Variants in NF2 observed in about 807,000 individuals in gnomAD.
NF2 encodes merlin.
Under a neutral mutation model 83.7 loss-of-function variants are expected in NF2, and 8 were observed. The ratio of observed to expected loss-of-function variants is 0.10; its 90% CI spans 0.06 to 0.17. NF2 has a LOEUF of 0.17. Among genes scored for constraint, NF2 ranks in the 10% least tolerant of loss-of-function variants. The pLI, the probability that NF2 is intolerant of heterozygous loss-of-function variation, is 1.00. For synonymous variants in NF2, 266 were observed against 269.6 expected (o/e 0.99, Z 0.13); for missense variants, 533 against 744.4 (o/e 0.72, Z 3.31).
chr22:29,682,874 A>C, intron 15 of NF2: 1 of 901,824 alleles, frequency 1.1e-6, no homozygotes, highest in Non-Finnish European at 1.8e-6. Flanking sequence ...TGAGAGCTGG[A>C]GAGACCCCGT....
At chr22:29,630,168 G>A (rs566470785) in intron 1 of NF2, among the ~76,000 whole-genome samples, 1 of 152,226 alleles carries the variant, frequency 6.6e-6, no homozygotes, top group Non-Finnish European at 1.5e-5. Context: ...TGGCTGTTCA[G>A]TAGATGTTAT....
chr22:29,677,500 CAAA>C (rs200098005), intron 13 of NF2, among the ~76,000 whole-genome samples: 1 of 128,772 alleles, frequency 7.8e-6, no homozygotes. Context: ...GATGAAAGTC[CAAA>C]AAAAAAAAAA....
In NF2 at chr22:29,695,436, G is replaced by C. The variant is rs1330298742; in HGVS notation, c.*634G>C. ...GGCAGGGCAGCTGTGGCTGGGGAGA[G>C]ACTTTAGGCAGAAGCTGTGATGCAG... On this transcript the variant is annotated 3_prime_UTR_variant, in exon 16 of 16. Coordinates refer to ENST00000338641, the MANE Select transcript of NF2 (RefSeq NM_000268.4). This position sits in a 1 kb window ranked among gnomAD's most constrained non-coding sequence, Gnocchi z 5.4. 1 of 254,526 alleles carries C rather than the reference G, an allele frequency of 3.9e-6. No homozygotes were observed. The highest frequency in any genetic ancestry group is 7.7e-6 in the Non-Finnish European group (1 of 129,486). The allele number at this position is 254,526 out of a possible 1,614,324, so 15.8% of individuals were successfully genotyped here.
At position 29,694,729 on chromosome 22, in the gene NF2, GCTT is replaced by G. The variant is rs770417034; in HGVS notation, c.1738-17_1738-15del. ...AGAGCGGAGGTCTTGTGCCCTCTCAGCTTCTTCTCTGCTTTCTTACAGCTCACC... is the reference window on the plus strand; with the variant it reads ...AGAGCGGAGGTCTTGTGCCCTCTCAGCTTCTCTGCTTTCTTACAGCTCACC... On this transcript the variant is annotated intron_variant, in intron 15 of 15. Transcript: ENST00000338641. The surrounding 1 kb of genome is among the most constrained non-coding windows in gnomAD (Gnocchi z 4.1). 2.0e-5 allele frequency: 32 copies of G among 1,613,112 alleles called. No homozygotes were observed. The highest frequency in any genetic ancestry group is 2.5e-5 in the Non-Finnish European group (30 of 1,179,594).
intron 14 of NF2, among the ~76,000 whole-genome samples, chr22:29,678,710 G>C (rs957095244): frequency 2.0e-5 from 3 of 152,188 alleles, no homozygotes; most frequent in Non-Finnish European, 4.4e-5. Context: ...ACTGGGATCT[G>C]TGGTGGTTCC....
chr22:29,683,791 G>T, intron 15 of NF2: 1 of 1,062,788 alleles, frequency 9.4e-7, no homozygotes, highest in Non-Finnish European at 1.1e-6. Context: ...AGCGGTCACT[G>T]GTTGCTGAGT....
intron 9 of NF2, among the ~76,000 whole-genome samples, chr22:29,666,614 G>A (rs2066630901): frequency 6.6e-6 from 1 of 151,956 alleles, no homozygotes; most frequent in Non-Finnish European, 1.5e-5. Flanking sequence ...CCAGGAGTTC[G>A]AGACCAACCT....
intron 15 of NF2, among the ~76,000 whole-genome samples, chr22:29,692,236 C>G (rs1455176445): frequency 6.6e-6 from 1 of 152,218 alleles, no homozygotes; most frequent in Non-Finnish European, 1.5e-5. Context: ...CTGTGGCTCT[C>G]TCTCCTGCCC....
intron 15 of NF2, chr22:29,684,035 A>C: frequency 3.7e-6 from 2 of 534,420 alleles, no homozygotes; most frequent in African/African-American, 2.0e-5. Context: ...GAATAAGCTC[A>C]TTGGAACCTT....
intron 1 of NF2, among the ~76,000 whole-genome samples, chr22:29,632,467 G>C (rs2065540594): frequency 6.6e-6 from 1 of 152,202 alleles, no homozygotes; most frequent in South Asian, 2.1e-4. Flanking sequence ...AAGTGTTATA[G>C]TGCTGAAAGC....
At chr22:29,635,421 C>T (rs547730870) in intron 1 of NF2, among the ~76,000 whole-genome samples, 23 of 152,208 alleles carry the variant, frequency 1.5e-4, no homozygotes, top group Admixed American at 4.6e-4. Context: ...CTCCGCCTCC[C>T]GGTTTCGAGT....
chr22:29,641,127 CCTT>C (rs1403430885), intron 3 of NF2, among the ~76,000 whole-genome samples: 2 of 152,166 alleles, frequency 1.3e-5, no homozygotes, highest in African/African-American at 4.8e-5. Flanking sequence ...GAGTGAAACT[CCTT>C]CTCAAAAGAA....
At chr22:29,664,263 A>G (rs1443980719) in intron 8 of NF2, among the ~76,000 whole-genome samples, 4 of 151,932 alleles carry the variant, frequency 2.6e-5, no homozygotes, top group African/African-American at 4.8e-5. Context: ...GTGAGCCACC[A>G]TATCTGGCCG....
chr22:29,691,989 T>G (rs1428416636), intron 15 of NF2, among the ~76,000 whole-genome samples: 1 of 152,200 alleles, frequency 6.6e-6, no homozygotes, highest in Admixed American at 6.5e-5. Context: ...GGAGGAGCAT[T>G]GTGCAGTAAA....
chr22:29,666,297 C>A (rs370822855), intron 9 of NF2, among the ~76,000 whole-genome samples: 1 of 152,076 alleles, frequency 6.6e-6, no homozygotes, highest in Non-Finnish European at 1.5e-5. Context: ...GCCACTACCA[C>A]GCCCGGCTAA....
At chr22:29,678,814 C>T (rs1200478583) in intron 14 of NF2, among the ~76,000 whole-genome samples, 2 of 152,232 alleles carry the variant, frequency 1.3e-5, no homozygotes, top group African/African-American at 4.8e-5. Flanking sequence ...CAGTGGGTGG[C>T]ACTGGGCAGG....
chr22:29,624,020 G>C (rs949258622), intron 1 of NF2, among the ~76,000 whole-genome samples: 2 of 152,152 alleles, frequency 1.3e-5, no homozygotes, highest in African/African-American at 4.8e-5. Flanking sequence ...GAGGAAGTCT[G>C]CTAGAGGACA....
chr22:29,692,939 G>T (rs560204636), intron 15 of NF2, among the ~76,000 whole-genome samples: 1 of 152,254 alleles, frequency 6.6e-6, no homozygotes, highest in Non-Finnish European at 1.5e-5. Flanking sequence ...GGGAGCAAGT[G>T]ACCTGCCCAG....
chr22:29,674,213 G>T (rs1003240554), intron 12 of NF2, among the ~76,000 whole-genome samples: 1 of 152,202 alleles, frequency 6.6e-6, no homozygotes, highest in Non-Finnish European at 1.5e-5. Flanking sequence ...TGCCTGCCCT[G>T]CTTCAGGCCC....
Sources: allele counts gnomAD v4.1 joint callset (sites outside exome capture counted in the v4.1 genomes callset), GRCh38; gene constraint gnomAD v4.1.1; non-coding constraint Gnocchi (gnomAD v3.1); transcripts MANE v1.5; gene names NCBI Gene and HGNC (gene_info 2026-07-23, HGNC 2026-07-21).